Variants in ZNF773 observed in about 807,000 individuals in gnomAD.
ZNF773 encodes the protein zinc finger protein 419B.
ZNF773 carries 11 observed loss-of-function variants against 12.8 expected under a neutral mutation model. The observed-to-expected ratio is 0.86, with a 90% CI of 0.54 to 1.42. The LOEUF (loss-of-function observed/expected upper bound fraction) is 1.42, where lower values mean the gene tolerates loss of function less well. ZNF773 is among the 40% of genes most tolerant of loss of function. The probability of loss-of-function intolerance (pLI) is 0.00; values close to 1 mark genes in which losing one functional copy is unlikely to be tolerated. For synonymous variants in ZNF773, 175 were observed against 178.4 expected (o/e 0.98, Z 0.15); for missense variants, 518 against 527.2 (o/e 0.98, Z 0.17).
At chr19:57,512,857 C>A (rs2089806119), downstream of ZNF773, 3 of 621,098 alleles carry the variant, frequency 4.8e-6, no homozygotes, top group Non-Finnish European at 7.4e-6. Context: ...ATAAATCAAG[C>A]AGCTGACCAA....
chr19:57,512,513 C>T (rs2089803541), downstream of ZNF773, among the ~76,000 whole-genome samples: 1 of 149,554 alleles, frequency 6.7e-6, no homozygotes, highest in Non-Finnish European at 1.5e-5. Context: ...AAGTGATTCT[C>T]CTGTCTCAGT....
chr19:57,508,287 C>G (rs577245413), downstream of ZNF773: 49 of 1,211,750 alleles, frequency 4.0e-5, no homozygotes, highest in South Asian at 1.5e-3. Flanking sequence ...GAGAAAATAG[C>G]CCTCTGTCTT....
At position 57,507,628 on chromosome 19, in the gene ZNF773, G is replaced by A. The variant is rs2089756453; in HGVS notation, c.*204G>A. On this transcript the variant is annotated 3_prime_UTR_variant, in exon 4 of 4. Coordinates refer to ENST00000282292, the MANE Select transcript of ZNF773 (RefSeq NM_198542.3). ...GCCTAACCGTATTCAACACCAGAAA[G>A]TTTAGACTGGAGAAAGGCCTTAGAC... 2 of 1,388,314 alleles carry A rather than the reference G, an allele frequency of 1.4e-6. No homozygotes were observed. The highest frequency in any genetic ancestry group is 3.7e-5 in the South Asian group (2 of 54,104). The allele number at this position is 1,388,314 out of a possible 1,614,324, so 86.0% of individuals were successfully genotyped here.
At chr19:57,505,495 A>G (rs1417008839) in intron 3 of ZNF773, 95 bp downstream of exon 3, 1 of 1,362,996 alleles carries the variant, frequency 7.3e-7, no homozygotes, top group Non-Finnish European at 1.0e-6. Flanking sequence ...TTTTGATACC[A>G]AGGCAAGGTG....
At chr19:57,500,244 G>A (rs2089653975) in intron 1 of ZNF773, 131 bp downstream of exon 1, 2 of 1,306,878 alleles carry the variant, frequency 1.5e-6, no homozygotes, top group South Asian at 3.2e-5. Flanking sequence ...GTGTGATGGG[G>A]TGGCAATGGA....
chr19:57,513,869 C>G (rs2089815435), downstream of ZNF773: 1 of 151,996 alleles, frequency 6.6e-6, no homozygotes, highest in African/African-American at 2.4e-5. Context: ...TTCCAAGAGA[C>G]TGGCCTCTTG....
chr19:57,508,202 C>T lies in ZNF773; in HGVS notation c.*778C>T. On this transcript the variant is annotated 3_prime_UTR_variant, in exon 4 of 4. Transcript: ENST00000282292. ...TCTGAGGGTGATCTTTATGAGGGAGCTGGCAATTGAACATCATTCATCCAA... is the reference window on the plus strand; with the variant it reads ...TCTGAGGGTGATCTTTATGAGGGAGTTGGCAATTGAACATCATTCATCCAA... 9.4e-7 allele frequency: 1 copy of T among 1,062,170 alleles called. No homozygotes were observed. Among genetic ancestry groups the T allele is most frequent in the Non-Finnish European group, 1.1e-6 (1 of 880,398 alleles). 65.8% of individuals were successfully genotyped at this position (1,062,170 alleles called of 1,614,324 possible). A position where few individuals can be genotyped will look rare whatever the true frequency, so the allele number is the denominator to read the frequency against.
At chr19:57,511,130 G>A (rs1282268676), downstream of ZNF773, among the ~76,000 whole-genome samples, 1 of 150,908 alleles carries the variant, frequency 6.6e-6, no homozygotes, top group African/African-American at 2.4e-5. Flanking sequence ...GCTCACTGCT[G>A]TGTCTGCCCC....
chr19:57,511,504 CTA>C (rs1448730611), downstream of ZNF773, among the ~76,000 whole-genome samples: 1 of 152,160 alleles, frequency 6.6e-6, no homozygotes, highest in East Asian at 1.9e-4. Context: ...ACACAACACT[CTA>C]TTGTCAATCT....
At chr19:57,504,901 A>G in intron 2 of ZNF773, 115 bp downstream of exon 2, 1 of 1,330,102 alleles carries the variant, frequency 7.5e-7, no homozygotes, top group South Asian at 1.2e-5. Flanking sequence ...TTCCTTCTCC[A>G]GTATCCTGAA....
chr19:57,504,267 G>A (rs2089701619), intron 1 of ZNF773, among the ~76,000 whole-genome samples: 1 of 152,196 alleles, frequency 6.6e-6, no homozygotes, highest in Non-Finnish European at 1.5e-5. Context: ...GGTGCAGGGG[G>A]CAGTGGTTGT....
downstream of ZNF773, chr19:57,514,156 T>G (rs1489599593): frequency 6.6e-6 from 1 of 152,218 alleles, no homozygotes; most frequent in Non-Finnish European, 1.5e-5. Flanking sequence ...TTACATCAGT[T>G]ATTCAGAGAA....
At chr19:57,517,800 A>G (rs1472509719), downstream of ZNF773, 1 of 152,202 alleles carries the variant, frequency 6.6e-6, no homozygotes, top group Non-Finnish European at 1.5e-5. Context: ...ATGATTCACA[A>G]AGTAAAATCC....
chr19:57,515,996 TG>T (rs1568585035), downstream of ZNF773: 1 of 152,490 alleles, frequency 6.6e-6, no homozygotes, highest in Non-Finnish European at 1.5e-5. Context: ...AGAAGGACAA[TG>T]GAAAGGCCCG....
downstream of ZNF773, among the ~76,000 whole-genome samples, chr19:57,511,462 C>T (rs1207887495): frequency 6.6e-6 from 1 of 152,112 alleles, no homozygotes; most frequent in African/African-American, 2.4e-5. Context: ...TAGAGATGAA[C>T]AGAAGAGAAT....
downstream of ZNF773, chr19:57,513,180 G>T: frequency 8.2e-7 from 1 of 1,226,536 alleles, no homozygotes; most frequent in Non-Finnish European, 1.1e-6. Flanking sequence ...TACTGGGAGT[G>T]GGAAGTTTCT....
Position 57,499,944 on chromosome 19 carries a change from T to C in ZNF773, c.-137T>C, listed in dbSNP as rs1338934525. On this transcript the variant is annotated 5_prime_UTR_variant, in exon 1 of 4. Coordinates refer to ENST00000282292, the MANE Select transcript of ZNF773 (RefSeq NM_198542.3). ...AGCTTGCCGGAAGCTGGTTGTTCGC[T>C]GCGGCGACCAGCTCCGGAAAGCGCG... 3.3e-6 allele frequency: 4 copies of C among 1,208,982 alleles called. No homozygotes were observed. The African/African-American group carries it at 4.7e-5, about 14-fold the overall frequency. 74.9% of individuals were successfully genotyped at this position (1,208,982 alleles called of 1,614,324 possible).
chr19:57,508,807 C>G (rs143996841), downstream of ZNF773, among the ~76,000 whole-genome samples: 801 of 145,468 alleles, frequency 5.5e-3, 11 homozygotes, highest in South Asian at 7.7e-3. Context: ...TTTAAATGTG[C>G]TTATTCGTCA....
chr19:57,505,429 A>G (rs2123259714), intron 3 of ZNF773, 29 bp downstream of exon 3: 1 of 1,612,934 alleles, frequency 6.2e-7, no homozygotes, highest in Non-Finnish European at 8.5e-7. Context: ...TCAGGGAGGT[A>G]TGAACTCGGG....
Sources: allele counts gnomAD v4.1 joint callset (sites outside exome capture counted in the v4.1 genomes callset), GRCh38; gene constraint gnomAD v4.1.1; transcripts MANE v1.5; gene names NCBI Gene and HGNC (gene_info 2026-07-23, HGNC 2026-07-21).